The following ACBD6 variants were observed in gnomAD, a reference collection of about 807,000 sequenced individuals.
ACBD6 encodes the protein acyl-CoA-binding domain-containing protein 6.
Under a neutral mutation model 37.2 loss-of-function variants are expected in ACBD6, and 28 were observed. The ratio of observed to expected loss-of-function variants is 0.75; its 90% CI spans 0.56 to 1.03. The LOEUF (loss-of-function observed/expected upper bound fraction) is 1.03, where lower values mean the gene tolerates loss of function less well. Among genes scored for constraint, ACBD6 ranks in the 50% least tolerant of loss-of-function variants. ACBD6 has a pLI of 0.00. For missense variants in ACBD6, 340 were observed against 337.4 expected (o/e 1.01, Z -0.06); for synonymous variants, 113 against 126.8 (o/e 0.89, Z 0.73).
At chr1:180,493,276 A>AC (rs1557893837) in intron 2 of ACBD6, among the ~76,000 whole-genome samples, 1 of 113,460 alleles carries the variant, frequency 8.8e-6, no homozygotes, top group African/African-American at 3.4e-5. Flanking sequence ...AAAAAAAAAA[A>AC]AACAACAACA....
chr1:180,450,288 C>T (rs1042635940), intron 3 of ACBD6, among the ~76,000 whole-genome samples: 18 of 152,310 alleles, frequency 1.2e-4, no homozygotes, highest in African/African-American at 3.8e-4. Flanking sequence ...ATGCCTAAAA[C>T]AGTCTGTTCA....
chr1:180,272,142 C>G, intron 13 of ACBD6: 1 of 750,572 alleles, frequency 1.3e-6, no homozygotes, highest in Non-Finnish European at 2.1e-6. Flanking sequence ...TTAAGACTTG[C>G]AGTGAAGGGT....
intron 6 of ACBD6, among the ~76,000 whole-genome samples, chr1:180,327,369 C>G (rs951618917): frequency 6.6e-6 from 1 of 152,164 alleles, no homozygotes; most frequent in Admixed American, 6.5e-5. Context: ...GATTCTCTCT[C>G]CACGCCACAG....
At chr1:180,368,571 G>A (rs886890355) in intron 6 of ACBD6, among the ~76,000 whole-genome samples, 1 of 151,952 alleles carries the variant, frequency 6.6e-6, no homozygotes, top group African/African-American at 2.4e-5. Context: ...TAAGGAAGGG[G>A]TCCAACTTCA....
At chr1:180,289,354 A>G (rs1262014459) in intron 7 of ACBD6, among the ~76,000 whole-genome samples, 3 of 152,230 alleles carry the variant, frequency 2.0e-5, no homozygotes, top group Non-Finnish European at 4.4e-5. Flanking sequence ...ACATATAAAA[A>G]GATGAGCATT....
At chr1:180,318,165 C>A (rs1007234494) in intron 6 of ACBD6, among the ~76,000 whole-genome samples, 7 of 72,240 alleles carry the variant, frequency 9.7e-5, no homozygotes, top group African/African-American at 2.8e-4. Flanking sequence ...CCATCTCCGC[C>A]CCCCCCCCCC....
chr1:180,406,675 A>C (rs1027028738), intron 5 of ACBD6, among the ~76,000 whole-genome samples: 3 of 152,152 alleles, frequency 2.0e-5, no homozygotes, highest in African/African-American at 7.2e-5. Flanking sequence ...TTATTATTAT[A>C]ATTAAATTTC....
intron 6 of ACBD6, among the ~76,000 whole-genome samples, chr1:180,356,551 G>A (rs1254983856): frequency 1.3e-5 from 2 of 151,534 alleles, no homozygotes; most frequent in Middle Eastern, 3.4e-3. Flanking sequence ...ATCGTATAAT[G>A]AAAATAGATT....
intron 6 of ACBD6, among the ~76,000 whole-genome samples, chr1:180,391,074 T>TG (rs964673871): frequency 1.4e-4 from 21 of 152,226 alleles, no homozygotes; most frequent in Admixed American, 9.2e-4. Flanking sequence ...AATGACTTAA[T>TG]GGGGGAAAGA....
intron 6 of ACBD6, among the ~76,000 whole-genome samples, chr1:180,364,736 CTTT>C (rs10646954): frequency 7.1e-6 from 1 of 140,874 alleles, no homozygotes. Context: ...TCCTTTCTAT[CTTT>C]TTTTTTTTTT....
chr1:180,368,868 CT>C (rs757278596), intron 6 of ACBD6, among the ~76,000 whole-genome samples: 7 of 152,104 alleles, frequency 4.6e-5, no homozygotes, highest in Non-Finnish European at 8.8e-5. Context: ...TCTTATTATG[CT>C]GTATCACAGG....
In ACBD6 at chr1:180,397,550, A is replaced by G. The variant is rs757864496; in HGVS notation, c.629T>C (p.Val210Ala). Residue 210 changes from valine to alanine, a missense_variant, in exon 6 of 8, where the codon GTG becomes GCG. Transcript: ENST00000367595. ...AATGTCAGCTCTATGTTGCAGCAAC[A>G]CTGTGACTAGTTCCTTATGTCCTCG... Reference protein sequence around the residue: ...CDRGHKELVTVLLQHRADINC... With the variant: ...CDRGHKELVTALLQHRADINC... 4 of 1,614,106 alleles carry G rather than the reference A, an allele frequency of 2.5e-6. No homozygotes were observed. The South Asian group carries it at 3.3e-5, about 13-fold the overall frequency.
intron 6 of ACBD6, 106 bp downstream of exon 6, chr1:180,397,410 A>T (rs1177920485): frequency 1.0e-6 from 1 of 983,442 alleles, no homozygotes; most frequent in Non-Finnish European, 1.6e-6. Context: ...GAAATGTACT[A>T]AACGCCACTG....
chr1:180,291,608 T>C (rs1187521491), intron 7 of ACBD6, among the ~76,000 whole-genome samples: 2 of 152,196 alleles, frequency 1.3e-5, no homozygotes, highest in South Asian at 2.1e-4. Flanking sequence ...AATTTTTTTT[T>C]CCAAATATAT....
exon 11 of ACBD6, chr1:180,274,010 G>A (rs759909274): frequency 5.9e-5 from 41 of 692,044 alleles, no homozygotes; most frequent in Non-Finnish European, 9.4e-5. Flanking sequence ...TCCTTGGCCT[G>A]GGTTGGCCTC....
chr1:180,414,466 G>T (rs1167562074), intron 4 of ACBD6, among the ~76,000 whole-genome samples: 2 of 152,186 alleles, frequency 1.3e-5, no homozygotes. Context: ...GTTATTTCCA[G>T]TCATAGCTAA....
intron 5 of ACBD6, among the ~76,000 whole-genome samples, chr1:180,404,107 C>T (rs778167277): frequency 2.6e-5 from 4 of 151,908 alleles, no homozygotes; most frequent in African/African-American, 4.8e-5. Context: ...TGCAGCACCA[C>T]GCCTGACTAA....
intron 6 of ACBD6, among the ~76,000 whole-genome samples, chr1:180,330,883 T>C (rs1314663338): frequency 1.3e-5 from 2 of 152,220 alleles, no homozygotes; most frequent in Non-Finnish European, 2.9e-5. Flanking sequence ...CTTCTAATCA[T>C]TCAGACTCAC....
downstream of ACBD6, among the ~76,000 whole-genome samples, chr1:180,286,042 T>C (rs899383391): frequency 6.6e-6 from 1 of 152,168 alleles, no homozygotes; most frequent in Non-Finnish European, 1.5e-5. Flanking sequence ...TCCCATGTAG[T>C]ATATTAATTC....
Sources: allele counts gnomAD v4.1 joint callset (sites outside exome capture counted in the v4.1 genomes callset), GRCh38; gene constraint gnomAD v4.1.1; transcripts MANE v1.5; gene names NCBI Gene and HGNC (gene_info 2026-07-23, HGNC 2026-07-21).